The following NDUFA10 variants were observed in gnomAD, a reference collection of about 807,000 sequenced individuals.
The protein encoded by NDUFA10 is NADH:ubiquinone oxidoreductase subunit A10.
NDUFA10 carries 40 observed loss-of-function variants against 47.8 expected under a neutral mutation model. The observed-to-expected ratio is 0.84, with a 90% CI of 0.65 to 1.09. The LOEUF is 1.09. NDUFA10 is among the 50% of genes least tolerant of loss of function. The pLI, the probability that NDUFA10 is intolerant of heterozygous loss-of-function variation, is 0.00. For missense variants in NDUFA10, 413 were observed against 451.1 expected (o/e 0.92, Z 0.76); for synonymous variants, 183 against 172.2 (o/e 1.06, Z -0.49).
intron 4 of NDUFA10, among the ~76,000 whole-genome samples, chr2:239,938,029 G>C (rs1694295253): frequency 6.6e-6 from 1 of 152,112 alleles, no homozygotes; most frequent in Admixed American, 6.5e-5. Flanking sequence ...CTGCGGCTCT[G>C]TTTGGTTGGT....
At chr2:239,977,856 C>T (rs1035580151) in intron 9 of NDUFA10, among the ~76,000 whole-genome samples, 1 of 152,224 alleles carries the variant, frequency 6.6e-6, no homozygotes, top group African/African-American at 2.4e-5. Flanking sequence ...GCTTTCTCAG[C>T]TACGCTCGCA....
rs899546389 is a variant in NDUFA10, at chr2:240,025,123, C to T, written c.75+104G>A. The stretch of plus-strand genomic sequence containing the variant: ...CCCCCAAACCCACCCGGAGAGCGAC[C>T]TGGGAGCCGCCGCCAGAGGCCGGGG... On this transcript the variant is annotated intron_variant, in intron 1 of 9. Transcript: ENST00000252711. 1.6e-5 allele frequency: 19 copies of T among 1,189,708 alleles called. No individual in the cohort carries two copies. The South Asian group carries it at 3.2e-4, about 20-fold the overall frequency. The allele number at this position is 1,189,708 out of a possible 1,614,324, so 73.7% of individuals were successfully genotyped here.
At chr2:239,979,165 A>G (rs576094289) in intron 9 of NDUFA10, among the ~76,000 whole-genome samples, 1 of 152,354 alleles carries the variant, frequency 6.6e-6, no homozygotes, top group South Asian at 2.1e-4. Flanking sequence ...GAAAAGATCC[A>G]TGAGGAAGTA....
At chr2:240,000,468 TAAAG>T (rs1480712749) in intron 8 of NDUFA10, among the ~76,000 whole-genome samples, 2 of 152,124 alleles carry the variant, frequency 1.3e-5, no homozygotes, top group African/African-American at 4.8e-5. Context: ...AATAAGGATA[TAAAG>T]AAAGAAAAAA....
chr2:239,936,950 A>C (rs1212202114), intron 4 of NDUFA10, among the ~76,000 whole-genome samples: 1 of 152,066 alleles, frequency 6.6e-6, no homozygotes, highest in African/African-American at 2.4e-5. Flanking sequence ...ACAGAGAGAG[A>C]CCCTGTCTCA....
intron 4 of NDUFA10, among the ~76,000 whole-genome samples, chr2:239,923,067 G>A (rs1030598331): frequency 6.6e-6 from 1 of 152,054 alleles, no homozygotes; most frequent in East Asian, 1.9e-4. Context: ...AATTACCAGG[G>A]ACAAAAGAGG....
intron 4 of NDUFA10, among the ~76,000 whole-genome samples, chr2:239,911,666 A>AGTGTGTGTGTGTGTGT (rs1271984352): frequency 8.1e-5 from 7 of 86,280 alleles, no homozygotes; most frequent in African/African-American, 3.0e-4. Flanking sequence ...CCAAAACATG[A>AGTGTGTGTGTGTGTGT]GAGAGTGTGT....
At chr2:239,991,248 T>C (rs1352924754) in intron 8 of NDUFA10, among the ~76,000 whole-genome samples, 6 of 152,094 alleles carry the variant, frequency 3.9e-5, no homozygotes, top group African/African-American at 1.4e-4. Context: ...TGAAGATGAG[T>C]GGACGGTAGG....
At chr2:240,014,348 G>A (rs1697250416) in intron 5 of NDUFA10, 1 of 330,870 alleles carries the variant, frequency 3.0e-6, no homozygotes, top group Non-Finnish European at 5.9e-6. Flanking sequence ...AAGTGATGAG[G>A]GATATTAGAA....
chr2:239,991,120 C>T (rs369900119), intron 8 of NDUFA10, among the ~76,000 whole-genome samples: 7 of 152,220 alleles, frequency 4.6e-5, no homozygotes, highest in African/African-American at 1.7e-4. Context: ...GGCCTGTTCC[C>T]CACAGTACCC....
chr2:240,021,300 A>G lies in NDUFA10; in HGVS notation c.357T>C (p.Asp119=), dbSNP rs1187923649. The change falls in exon 3 of 10, where the codon GAT becomes GAC. Residue 119 remains aspartate (D), a synonymous_variant. Coordinates refer to ENST00000252711, the MANE Select transcript of NDUFA10 (RefSeq NM_004544.4). Reference sequence around the variant, plus strand: ...TGTTGCCATCATTGCTTCTCGGATCATCGTAAAATTTCTCCAAACTACAGT... The same window carrying G: ...TGTTGCCATCATTGCTTCTCGGATCGTCGTAAAATTTCTCCAAACTACAGT... ...NGNCSLEKFY[D]DPRSNDGNSY... 2 of 1,614,194 alleles carry G rather than the reference A, an allele frequency of 1.2e-6. No homozygotes were observed. Among genetic ancestry groups the G allele is most frequent in the East Asian group, 4.5e-5 (2 of 44,878 alleles).
intron 8 of NDUFA10, among the ~76,000 whole-genome samples, chr2:239,995,987 T>A (rs192501897): frequency 2.6e-4 from 39 of 152,162 alleles, no homozygotes; most frequent in Non-Finnish European, 4.4e-4. Flanking sequence ...CCAGCGCTGT[T>A]GGAAATTTAA....
chr2:239,968,771 C>G (rs145869609), intron 9 of NDUFA10, among the ~76,000 whole-genome samples: 4 of 152,132 alleles, frequency 2.6e-5, no homozygotes, highest in Non-Finnish European at 5.9e-5. Flanking sequence ...TGGGAAAGAA[C>G]AGTTTCCAGG....
intron 4 of NDUFA10, among the ~76,000 whole-genome samples, chr2:239,949,121 G>A (rs1239961822): frequency 6.6e-6 from 1 of 152,242 alleles, no homozygotes; most frequent in Admixed American, 6.5e-5. Context: ...TTATGACCAG[G>A]ATAGTGTCGG....
At chr2:239,919,545 C>T (rs1574778917) in intron 4 of NDUFA10, among the ~76,000 whole-genome samples, 2 of 152,120 alleles carry the variant, frequency 1.3e-5, no homozygotes, top group East Asian at 3.9e-4. Context: ...CCAAACGCAG[C>T]CTTAAGGCTC....
At chr2:239,991,682 T>C (rs1303118593) in intron 8 of NDUFA10, among the ~76,000 whole-genome samples, 1 of 152,208 alleles carries the variant, frequency 6.6e-6, no homozygotes, top group Admixed American at 6.5e-5. Context: ...CAAGTACGTA[T>C]CTTCTTACTG....
rs1694094587 is a variant in NDUFA10 at position 239,928,046 on chromosome 2, G to A, written c.295-32732C>T. Among the ~76,000 whole-genome samples the A allele has an allele frequency of 6.6e-6, 1 of 152,024 alleles. No individual in the cohort carries two copies. Among genetic ancestry groups the A allele is most frequent in the Non-Finnish European group, 1.5e-5 (1 of 68,018 alleles). On this transcript the variant is annotated intron_variant, in intron 4 of 5. Coordinates refer to the NDUFA10 transcript ENST00000419408. This position sits in a 1 kb window ranked among gnomAD's most constrained non-coding sequence, Gnocchi z 4.3. ...AAAGACACAAAACACCAGTACCCAG[G>A]TAAAGAGCGACTGAAGTCAAGAAGG...
At chr2:239,919,510 G>A (rs554339827) in intron 4 of NDUFA10, among the ~76,000 whole-genome samples, 10 of 142,316 alleles carry the variant, frequency 7.0e-5, no homozygotes, top group East Asian at 2.0e-4. Flanking sequence ...GTGGGCATGC[G>A]GAACGGGGTA....
chr2:239,960,605 G>A lies in NDUFA10; in HGVS notation c.*513C>T. On this transcript the variant is annotated 3_prime_UTR_variant, in exon 10 of 10. Coordinates refer to ENST00000252711, the MANE Select transcript of NDUFA10 (RefSeq NM_004544.4). ...GCACATTACTAAAATAAATACAGTA[G>A]GCCTTTAGAAAAACTCTTCAGCATA... The A allele has an allele frequency of 9.8e-7, 1 of 1,021,586 alleles. No individual in the cohort carries two copies. The highest frequency in any genetic ancestry group is 1.2e-6 in the Non-Finnish European group (1 of 849,434). 63.3% of individuals were successfully genotyped at this position (1,021,586 alleles called of 1,614,324 possible).
Sources: gnomAD v4.1 joint callset for allele counts (sites outside exome capture counted in the v4.1 genomes callset) on GRCh38, gnomAD v4.1.1 for gene constraint, Gnocchi (gnomAD v3.1) non-coding constraint, MANE v1.5 for transcripts, NCBI Gene and HGNC (gene_info 2026-07-23, HGNC 2026-07-21) for gene names.